Variants in DYNC1I1 observed in about 807,000 individuals in gnomAD.
DYNC1I1 encodes cytoplasmic dynein 1 intermediate chain 1.
A neutral mutation model predicts 86.6 loss-of-function variants in DYNC1I1; 43 were observed. The observed-to-expected ratio is 0.50, with a 90% CI of 0.39 to 0.64. The LOEUF (loss-of-function observed/expected upper bound fraction) is 0.64, where lower values mean the gene tolerates loss of function less well. Among genes scored for constraint, DYNC1I1 ranks in the 30% least tolerant of loss-of-function variants. DYNC1I1 has a pLI of 0.00. For missense variants in DYNC1I1, 604 were observed against 788.8 expected, an observed-to-expected ratio of 0.77 and a Z score of 2.81; for synonymous variants, 262 against 283.7, an observed-to-expected ratio of 0.92 and a Z score of 0.77.
At chr7:95,879,846 T>A (rs1790406576) in intron 6 of DYNC1I1, among the ~76,000 whole-genome samples, 1 of 152,164 alleles carries the variant, frequency 6.6e-6, no homozygotes, top group South Asian at 2.1e-4. Flanking sequence ...GAGAGAGAAT[T>A]GTAGGAAGGT....
At chr7:95,782,546 G>C (rs117744357) in intron 1 of DYNC1I1, among the ~76,000 whole-genome samples, 1,719 of 152,320 alleles carry the variant, frequency 0.011, 27 homozygotes, top group African/African-American at 0.019. Context: ...GCCAGAATGA[G>C]CACTTTTGGG....
At chr7:96,085,680 ATTT>A (rs1320710644) in intron 16 of DYNC1I1, among the ~76,000 whole-genome samples, 1 of 152,096 alleles carries the variant, frequency 6.6e-6, no homozygotes. Context: ...TTTGGCTATA[ATTT>A]TTACTCTATT....
rs566375535 is a variant in DYNC1I1, at chr7:96,056,831, G to T, written c.1509+17410G>T. On this transcript the variant is annotated intron_variant, in intron 14 of 16. Transcript: ENST00000447467. ...AGGTCTTTTTTAATTTATTCTTCAC[G>T]AATGAGCTGCATATATGGCATGTGA... Among the ~76,000 whole-genome samples the T allele has an allele frequency of 3.9e-5, 6 of 152,132 alleles. No individual in the cohort carries two copies. In the South Asian group the frequency reaches 1.2e-3, roughly 32 times the overall value.
At chr7:95,902,688 A>T (rs1791070470) in intron 6 of DYNC1I1, among the ~76,000 whole-genome samples, 1 of 152,166 alleles carries the variant, frequency 6.6e-6, no homozygotes, top group South Asian at 2.1e-4. Flanking sequence ...CCTCATATGC[A>T]TGGGAAACGT....
chr7:95,776,866 T>C lies in DYNC1I1; in HGVS notation c.-10+4093T>C, dbSNP rs141567183. Among the ~76,000 whole-genome samples the C allele has an allele frequency of 1.6e-3, 242 of 152,338 alleles. 2 individuals are homozygous for C. Among genetic ancestry groups the C allele is most frequent in the African/African-American group, 5.3e-3 (221 of 41,574 alleles). ...AGTGCTTTATAGATGTGTTAGTTCA[T>C]TGAATCATCCCAACATCCCTGTAAG... On this transcript the variant is annotated intron_variant, in intron 1 of 16. Transcript: ENST00000447467.
intron 7 of DYNC1I1, among the ~76,000 whole-genome samples, chr7:95,983,410 G>A (rs73397046): frequency 0.011 from 1,740 of 152,248 alleles, 34 homozygotes; most frequent in African/African-American, 0.04. Context: ...TACCTGGAGA[G>A]CATTTCTTAA....
intron 10 of DYNC1I1, among the ~76,000 whole-genome samples, chr7:96,017,006 C>T (rs1040002120): frequency 4.6e-5 from 7 of 152,086 alleles, no homozygotes; most frequent in African/African-American, 1.7e-4. Context: ...AAACTGGAGA[C>T]ATTCACAAGT....
In DYNC1I1 at chr7:96,028,327, G is replaced by A; in HGVS notation, c.1116+6G>A. On this transcript the variant is annotated splice_donor_region_variant and intron_variant, in intron 11 of 16. Transcript: ENST00000447467. The stretch of plus-strand genomic sequence containing the variant: ...TATCAGCTGCTGCACACACGGTAAT[G>A]CAAACTTTTGCCATATCCCTGTGAG... The A allele has an allele frequency of 6.3e-7, 1 of 1,592,488 alleles. No homozygotes were observed. Among genetic ancestry groups the A allele is most frequent in the Non-Finnish European group, 8.6e-7 (1 of 1,163,672 alleles).
intron 1 of DYNC1I1, among the ~76,000 whole-genome samples, chr7:95,792,903 T>C (rs1439343982): frequency 6.6e-6 from 1 of 152,042 alleles, no homozygotes. Context: ...AAAAAACCAC[T>C]TGGTATGCGC....
intron 6 of DYNC1I1, among the ~76,000 whole-genome samples, chr7:95,884,637 T>G: frequency 6.6e-6 from 1 of 151,994 alleles, no homozygotes; most frequent in East Asian, 1.9e-4. Flanking sequence ...AAAAGGATAA[T>G]AGAGACAACA....
At chr7:95,803,278 G>T (rs1562899045) in intron 1 of DYNC1I1, among the ~76,000 whole-genome samples, 1 of 152,214 alleles carries the variant, frequency 6.6e-6, no homozygotes, top group Non-Finnish European at 1.5e-5. Context: ...CATCCACACT[G>T]CATGTCCACA....
chr7:95,862,966 A>G (rs1432434725), intron 5 of DYNC1I1, among the ~76,000 whole-genome samples: 1 of 152,180 alleles, frequency 6.6e-6, no homozygotes, highest in Non-Finnish European at 1.5e-5. Context: ...AAAAATTTTT[A>G]TTTTTAAAAA....
At chr7:95,925,331 C>G (rs1791715546) in intron 6 of DYNC1I1, among the ~76,000 whole-genome samples, 1 of 152,134 alleles carries the variant, frequency 6.6e-6, no homozygotes, top group Non-Finnish European at 1.5e-5. Context: ...ATGAAAGGAT[C>G]TAATGGGTTG....
chr7:96,019,367 T>C (rs1427114568), intron 10 of DYNC1I1, among the ~76,000 whole-genome samples: 1 of 151,564 alleles, frequency 6.6e-6, no homozygotes, highest in Non-Finnish European at 1.5e-5. Context: ...TTTAATGAAC[T>C]CTCCAAGTGC....
chr7:96,103,329 G>A (rs1304374145), downstream of DYNC1I1, among the ~76,000 whole-genome samples: 1 of 152,154 alleles, frequency 6.6e-6, no homozygotes, highest in Non-Finnish European at 1.5e-5. Flanking sequence ...TGTTAGTTGA[G>A]CACCCAGTTA....
intron 4 of DYNC1I1, among the ~76,000 whole-genome samples, chr7:95,821,490 C>G (rs941945087): frequency 2.0e-5 from 3 of 151,944 alleles, no homozygotes; most frequent in Admixed American, 6.6e-5. Context: ...AGCAAGGGTA[C>G]TGCCAAAAAC....
chr7:96,106,450 G>A (rs577136633), intron 16 of DYNC1I1, among the ~76,000 whole-genome samples: 1 of 152,022 alleles, frequency 6.6e-6, no homozygotes, highest in Non-Finnish European at 1.5e-5. Context: ...CAGGAGAATC[G>A]CTTCAACTCC....
chr7:95,826,428 A>C (rs1795204704), intron 4 of DYNC1I1, among the ~76,000 whole-genome samples: 1 of 152,220 alleles, frequency 6.6e-6, no homozygotes, highest in Non-Finnish European at 1.5e-5. Context: ...GCTGCTTATC[A>C]TATGGTTGCC....
At chr7:95,856,272 C>G (rs1344227399) in intron 5 of DYNC1I1, among the ~76,000 whole-genome samples, 5 of 152,172 alleles carry the variant, frequency 3.3e-5, no homozygotes, top group Non-Finnish European at 7.3e-5. Context: ...TGTTGTCCCC[C>G]TGGACGGTCT....
Sources: gnomAD v4.1 joint callset for allele counts (sites outside exome capture counted in the v4.1 genomes callset) on GRCh38, gnomAD v4.1.1 for gene constraint, MANE v1.5 for transcripts, NCBI Gene and HGNC (gene_info 2026-07-23, HGNC 2026-07-21) for gene names.